The following KLHL20 variants were observed in gnomAD, a reference collection of about 807,000 sequenced individuals.
The protein encoded by KLHL20 is kelch-like protein 20.
A neutral mutation model predicts 69.5 loss-of-function variants in KLHL20; 29 were observed. The observed-to-expected ratio is 0.42, with a 90% CI of 0.31 to 0.57. KLHL20 has a LOEUF of 0.57. Ranked by LOEUF, KLHL20 falls within the 20% of genes least tolerant of loss-of-function variation. The pLI, the probability that KLHL20 is intolerant of heterozygous loss-of-function variation, is 0.18. For synonymous variants in KLHL20, 253 were observed against 265.2 expected (o/e 0.95, Z 0.45); for missense variants, 419 against 776.0 (o/e 0.54, Z 5.47).
At chr1:173,761,871 C>T (rs569676640) in intron 7 of KLHL20, among the ~76,000 whole-genome samples, 5 of 152,090 alleles carry the variant, frequency 3.3e-5, no homozygotes, top group Non-Finnish European at 5.9e-5. Context: ...TAACCAAGAT[C>T]AGAGCAGAGC....
At chr1:173,743,635 A>G (rs1672934029) in intron 3 of KLHL20, among the ~76,000 whole-genome samples, 1 of 151,692 alleles carries the variant, frequency 6.6e-6, no homozygotes, top group Non-Finnish European at 1.5e-5. Context: ...CTCATGGCTT[A>G]TTCTATTCAG....
At chr1:173,724,126 T>TCA (rs1558180402) in intron 2 of KLHL20, among the ~76,000 whole-genome samples, 1 of 151,708 alleles carries the variant, frequency 6.6e-6, no homozygotes, top group African/African-American at 2.4e-5. Flanking sequence ...AAAAATTCTT[T>TCA]TATATATATA....
At chr1:173,766,385 C>A in intron 8 of KLHL20, 96 bp downstream of exon 8, 1 of 1,154,530 alleles carries the variant, frequency 8.7e-7, no homozygotes, top group South Asian at 2.0e-5. Flanking sequence ...TGGCTCACAC[C>A]TGTAATCCTA....
chr1:173,759,821 A>C (rs1055256585), intron 7 of KLHL20, among the ~76,000 whole-genome samples: 2 of 152,176 alleles, frequency 1.3e-5, no homozygotes, highest in African/African-American at 4.8e-5. Context: ...AGGCTCTTCA[A>C]CACCCCCAAA....
intron 8 of KLHL20, among the ~76,000 whole-genome samples, chr1:173,771,585 A>G (rs1435286546): frequency 6.6e-6 from 1 of 152,138 alleles, no homozygotes; most frequent in African/African-American, 2.4e-5. Context: ...GTAAGACCCT[A>G]TATGTTAAAA....
At chr1:173,731,268 A>G (rs981783596) in intron 2 of KLHL20, among the ~76,000 whole-genome samples, 11 of 152,308 alleles carry the variant, frequency 7.2e-5, no homozygotes, top group Admixed American at 3.9e-4. Context: ...CACTGTTGGT[A>G]GGACTGTAAA....
rs144757092 is a variant in KLHL20 at position 173,767,585 on chromosome 1, C to G, written c.1295+1296C>G. Among the ~76,000 whole-genome samples, 15 of 152,222 alleles carry G rather than the reference C, an allele frequency of 9.9e-5. No individual in the cohort carries two copies. The East Asian group carries it at 2.7e-3, about 27-fold the overall frequency. ...TTTTTTAATATAGTAGCCATTCTAA[C>G]AGGTGTGACATGGTATTTCATTGTG... On this transcript the variant is annotated intron_variant, in intron 8 of 11. Coordinates refer to ENST00000209884, the MANE Select transcript of KLHL20 (RefSeq NM_014458.4).
intron 10 of KLHL20, among the ~76,000 whole-genome samples, chr1:173,776,458 G>T (rs772473578): frequency 6.6e-6 from 1 of 151,948 alleles, no homozygotes; most frequent in Non-Finnish European, 1.5e-5. Context: ...TTCTTTGGTT[G>T]CCTGTGCTTG....
At chr1:173,727,927 C>T (rs1041782178) in intron 2 of KLHL20, among the ~76,000 whole-genome samples, 5 of 152,000 alleles carry the variant, frequency 3.3e-5, no homozygotes, top group Admixed American at 3.3e-4. Flanking sequence ...AAATGGACTA[C>T]ATGCTTCAAT....
Position 173,775,620 on chromosome 1 carries a change from T to C in KLHL20, c.1430-14T>C, listed in dbSNP as rs1437252265. 1 of 1,611,364 alleles carries C rather than the reference T, an allele frequency of 6.2e-7. No homozygotes were observed. The highest frequency in any genetic ancestry group is 8.5e-7 in the Non-Finnish European group (1 of 1,178,080). On this transcript the variant is annotated splice_polypyrimidine_tract_variant and intron_variant, in intron 9 of 11. Coordinates refer to ENST00000209884, the MANE Select transcript of KLHL20 (RefSeq NM_014458.4). ...GGTTGAATGCTCACTTACTGGTTTT[T>C]CTTTTCCCTACAGTGGAACGTTACA...
chr1:173,757,454 A>C (rs1055424521), intron 7 of KLHL20, among the ~76,000 whole-genome samples: 2 of 151,936 alleles, frequency 1.3e-5, no homozygotes, highest in African/African-American at 4.8e-5. Context: ...CTCTCCTTAC[A>C]TATATGCATG....
intron 10 of KLHL20, 72 bp from the exon 11 acceptor site, chr1:173,782,052 C>T (rs1648914320): frequency 9.7e-7 from 1 of 1,035,886 alleles, no homozygotes; most frequent in African/African-American, 1.6e-5. Flanking sequence ...ATAGATTTAT[C>T]TAGAAACCAG....
At chr1:173,717,150 A>G (rs996163641) in intron 2 of KLHL20, among the ~76,000 whole-genome samples, 3 of 152,354 alleles carry the variant, frequency 2.0e-5, no homozygotes, top group African/African-American at 4.8e-5. Flanking sequence ...CTTTACTTCT[A>G]ACATTATTGC....
At chr1:173,761,069 C>T (rs1395843395) in intron 7 of KLHL20, among the ~76,000 whole-genome samples, 4 of 152,086 alleles carry the variant, frequency 2.6e-5, no homozygotes, top group South Asian at 2.1e-4. Context: ...ACACCAAAAG[C>T]GAGCAGGGGT....
chr1:173,781,991 C>G, intron 10 of KLHL20, 133 bp from the exon 11 acceptor site: 1 of 589,074 alleles, frequency 1.7e-6, no homozygotes, highest in Non-Finnish European at 3.1e-6. Flanking sequence ...TACATTTTCC[C>G]TGTGTTTCAG....
rs1447216106 is a variant in KLHL20, at chr1:173,775,851, T to C, written c.1638+9T>C. On this transcript the variant is annotated intron_variant, in intron 10 of 11. Coordinates refer to ENST00000209884, the MANE Select transcript of KLHL20 (RefSeq NM_014458.4). ...CATCACGCCGTAGTGGAGTAAGTGG[T>C]TATGGACACTTAGGTTGCTTCCAAA... The C allele has an allele frequency of 1.2e-6, 2 of 1,611,670 alleles. No individual in the cohort carries two copies. The highest frequency in any genetic ancestry group is 4.5e-5 in the East Asian group (2 of 44,872).
Position 173,766,303 on chromosome 1 carries a change from T to A in KLHL20, c.1295+14T>A, listed in dbSNP as rs778482312. 1.0e-5 allele frequency: 16 copies of A among 1,568,664 alleles called. No individual in the cohort carries two copies. Among genetic ancestry groups the A allele is most frequent in the African/African-American group, 1.4e-5 (1 of 71,072 alleles). The stretch of plus-strand genomic sequence containing the variant: ...CATTGTTGAGAGGTGATCTTTTTTT[T>A]AAGTCATTTTCCGTATTTTTATTTT... On this transcript the variant is annotated intron_variant, in intron 8 of 11. Coordinates refer to ENST00000209884, the MANE Select transcript of KLHL20 (RefSeq NM_014458.4).
intron 3 of KLHL20, among the ~76,000 whole-genome samples, chr1:173,747,927 C>T (rs906112890): frequency 9.4e-5 from 14 of 149,294 alleles, no homozygotes; most frequent in African/African-American, 3.2e-4. Context: ...CATCTCCATA[C>T]TGATCAAGAA....
chr1:173,734,558 A>C, intron 3 of KLHL20: 1 of 393,856 alleles, frequency 2.5e-6, no homozygotes. Flanking sequence ...ATAAGCCAAA[A>C]TAGAGTAATT....
Sources: gnomAD v4.1 joint callset for allele counts (sites outside exome capture counted in the v4.1 genomes callset) on GRCh38, gnomAD v4.1.1 for gene constraint, MANE v1.5 for transcripts, NCBI Gene and HGNC (gene_info 2026-07-23, HGNC 2026-07-21) for gene names.